The following DAAM2 variants were observed in gnomAD, a reference collection of about 807,000 sequenced individuals.
DAAM2 encodes dishevelled associated activator of morphogenesis 2, also known as disheveled-associated activator of morphogenesis 2.
A neutral mutation model predicts 120.7 loss-of-function variants in DAAM2; 39 were observed. The observed-to-expected ratio is 0.32, with a 90% CI of 0.25 to 0.42. The LOEUF (loss-of-function observed/expected upper bound fraction) is 0.42. DAAM2 is among the 10% of genes least tolerant of loss of function. The pLI is 1.00. For missense variants in DAAM2, 1,283 were observed against 1,401.7 expected (o/e 0.92, Z 1.35); for synonymous variants, 488 against 524.9 (o/e 0.93, Z 0.96).
intron 2 of DAAM2, 130 bp from the exon 3 acceptor site, chr6:39,860,798 T>C (rs888259145): frequency 1.3e-6 from 1 of 750,050 alleles, no homozygotes; most frequent in Non-Finnish European, 2.2e-6. Flanking sequence ...ATATCTTTGA[T>C]GCTCTTCGGG....
At chr6:39,894,812 T>TAAA (rs1765972386) in intron 19 of DAAM2, among the ~76,000 whole-genome samples, 1 of 151,940 alleles carries the variant, frequency 6.6e-6, no homozygotes. Context: ...AGAGACAGGG[T>TAAA]TTCACCATGT....
intron 14 of DAAM2, among the ~76,000 whole-genome samples, chr6:39,880,901 C>G (rs1765087657): frequency 6.6e-6 from 1 of 152,152 alleles, no homozygotes; most frequent in South Asian, 2.1e-4. Flanking sequence ...TGAGGTGAGC[C>G]AGAAAGACAA....
At position 39,816,698 on chromosome 6, in the gene DAAM2, T is replaced by C. The variant is rs1762320021; in HGVS notation, c.-57+24233T>C. ...TGGATTTATTCATTGAGAAGAAAGG[T>C]ATGGAGGAGTCCCAGCAGCCTCTGG... is the stretch of plus-strand genomic sequence containing the variant. On this transcript the variant is annotated intron_variant, in intron 1 of 24. Coordinates refer to ENST00000274867, the MANE Select transcript of DAAM2 (RefSeq NM_001201427.2). Among the ~76,000 whole-genome samples, 3 of 152,214 alleles carry C rather than the reference T, an allele frequency of 2.0e-5. No homozygotes were observed. In the South Asian group the frequency reaches 6.2e-4, roughly 32 times the overall value.
intron 8 of DAAM2, among the ~76,000 whole-genome samples, chr6:39,871,220 C>T (rs1764647072): frequency 6.6e-6 from 1 of 152,074 alleles, no homozygotes; most frequent in Non-Finnish European, 1.5e-5. Context: ...CAGCCTCCCA[C>T]AACCAAAGAT....
chr6:39,798,760 C>A (rs1007197017), intron 1 of DAAM2, among the ~76,000 whole-genome samples: 1 of 152,138 alleles, frequency 6.6e-6, no homozygotes, highest in Non-Finnish European at 1.5e-5. Context: ...ATCTACTCAT[C>A]CTCCAAGGCC....
chr6:39,825,838 G>T (rs981305553), intron 1 of DAAM2, among the ~76,000 whole-genome samples: 3 of 152,194 alleles, frequency 2.0e-5, no homozygotes, highest in Admixed American at 6.5e-5. Flanking sequence ...CACACTACAT[G>T]CAGTGGTCCT....
At chr6:39,800,682 T>C (rs1761835649) in intron 1 of DAAM2, among the ~76,000 whole-genome samples, 1 of 152,140 alleles carries the variant, frequency 6.6e-6, no homozygotes, top group Non-Finnish European at 1.5e-5. Context: ...TCCATGCTCC[T>C]CTCCTGGGTC....
At chr6:39,833,412 C>A (rs1276229690) in intron 1 of DAAM2, among the ~76,000 whole-genome samples, 1 of 152,090 alleles carries the variant, frequency 6.6e-6, no homozygotes, top group African/African-American at 2.4e-5. Flanking sequence ...TCAAGTGATT[C>A]TTCTGCCTCA....
chr6:39,833,975 G>A (rs1005206261), intron 1 of DAAM2, among the ~76,000 whole-genome samples: 7 of 152,190 alleles, frequency 4.6e-5, no homozygotes, highest in African/African-American at 1.7e-4. Context: ...GAGAAGTCAA[G>A]CAACTTTCCC....
At chr6:39,879,010 G>C (rs1168342401) in intron 13 of DAAM2, among the ~76,000 whole-genome samples, 168 bp from the exon 14 acceptor site, 2 of 152,096 alleles carry the variant, frequency 1.3e-5, no homozygotes, top group African/African-American at 2.4e-5. Context: ...GCGTGTGTTA[G>C]ATGTTTGGAT....
intron 9 of DAAM2, among the ~76,000 whole-genome samples, chr6:39,872,371 G>T (rs1764697288): frequency 6.6e-6 from 1 of 152,166 alleles, no homozygotes; most frequent in African/African-American, 2.4e-5. Context: ...CCCCCGGGAA[G>T]GCATCGGCCT....
intron 1 of DAAM2, among the ~76,000 whole-genome samples, chr6:39,804,629 G>A (rs550237378): frequency 5.3e-5 from 8 of 152,098 alleles, no homozygotes; most frequent in South Asian, 2.1e-4. Flanking sequence ...AAAAGATGTG[G>A]TATCATGGGA....
At chr6:39,853,544 C>T (rs1223235760) in intron 1 of DAAM2, among the ~76,000 whole-genome samples, 1 of 152,154 alleles carries the variant, frequency 6.6e-6, no homozygotes, top group African/African-American at 2.4e-5. Context: ...TGGCACAGGC[C>T]CTGGCCAGTC....
intron 21 of DAAM2, among the ~76,000 whole-genome samples, chr6:39,897,889 T>A (rs934998589): frequency 1.3e-5 from 2 of 152,186 alleles, no homozygotes; most frequent in African/African-American, 4.8e-5. Context: ...TTTATTGTGT[T>A]GACTGTATGG....
chr6:39,867,906 G>A (rs1764497322), intron 6 of DAAM2, 63 bp downstream of exon 6: 1 of 1,383,104 alleles, frequency 7.2e-7, no homozygotes, highest in South Asian at 1.3e-5. Flanking sequence ...ACATGTGAGT[G>A]AGAGCCTGAA....
chr6:39,820,431 C>T (rs1762452109), intron 1 of DAAM2: 1 of 152,198 alleles, frequency 6.6e-6, no homozygotes, highest in African/African-American at 2.4e-5. Flanking sequence ...TAGATTTAAT[C>T]ATAGCCTTGC....
intron 19 of DAAM2, among the ~76,000 whole-genome samples, chr6:39,896,357 C>T (rs1325054101): frequency 3.9e-5 from 6 of 152,158 alleles, no homozygotes; most frequent in South Asian, 2.1e-4. Context: ...CATGCACCAC[C>T]ACACCTGACT....
chr6:39,826,019 G>T (rs908157417), intron 1 of DAAM2, among the ~76,000 whole-genome samples: 5 of 152,218 alleles, frequency 3.3e-5, no homozygotes, highest in African/African-American at 1.2e-4. Context: ...TGGCAAATAT[G>T]AGATAAGGCG....
chr6:39,824,000 T>C (rs914047742), intron 1 of DAAM2, among the ~76,000 whole-genome samples: 5 of 152,164 alleles, frequency 3.3e-5, no homozygotes, highest in Non-Finnish European at 5.9e-5. Flanking sequence ...TGGGTGGTCA[T>C]TCTGGTCGTC....
Sources: gnomAD v4.1 joint callset for allele counts (sites outside exome capture counted in the v4.1 genomes callset) on GRCh38, gnomAD v4.1.1 for gene constraint, MANE v1.5 for transcripts, NCBI Gene and HGNC (gene_info 2026-07-23, HGNC 2026-07-21) for gene names.